Variants in SH3TC2 observed in about 807,000 individuals in gnomAD.
SH3TC2 encodes the protein SH3 domain and tetratricopeptide repeat-containing protein 2.
A neutral mutation model predicts 124.5 loss-of-function variants in SH3TC2; 87 were observed. The observed-to-expected ratio is 0.70, with a 90% CI of 0.59 to 0.84. SH3TC2 has a LOEUF of 0.84. SH3TC2 is among the 40% of genes least tolerant of loss of function. SH3TC2 has a pLI of 0.00. For missense variants in SH3TC2, 1,536 were observed against 1,566.4 expected, an observed-to-expected ratio of 0.98 and a Z score of 0.33; for synonymous variants, 634 against 628.5, an observed-to-expected ratio of 1.01 and a Z score of -0.13.
chr5:149,022,670 A>T (rs1397992266), intron 12 of SH3TC2, among the ~76,000 whole-genome samples: 1 of 152,270 alleles, frequency 6.6e-6, no homozygotes, highest in East Asian at 1.9e-4. Context: ...GAATAAACAA[A>T]TGTAGTATAT....
At position 148,997,050 on chromosome 5, in the gene SH3TC2, G is replaced by A. The variant is rs1285587818; in HGVS notation, c.*7661C>T. Among the ~76,000 whole-genome samples the A allele has an allele frequency of 6.6e-6, 1 of 152,096 alleles. No homozygotes were observed. Among genetic ancestry groups the A allele is most frequent in the Non-Finnish European group, 1.5e-5 (1 of 68,028 alleles). ...AACAAAGCATCTGTACATGAACATG[G>A]GCTCTTCCCAGGCTATTTGTTTTGC... is the stretch of plus-strand genomic sequence containing the variant. On this transcript the variant is annotated 3_prime_UTR_variant, in exon 17 of 17. Transcript: ENST00000515425.
rs1753281019 is a variant in SH3TC2 at position 148,983,327 on chromosome 5, A to C, written c.*21384T>G. On this transcript the variant is annotated 3_prime_UTR_variant, in exon 17 of 17. Transcript: ENST00000515425. ...CTCTGAAGAGGGGCACCTGGGTGTCATGAATACACCTGTGGCCTAAGATAT... is the reference window on the plus strand; with the variant it reads ...CTCTGAAGAGGGGCACCTGGGTGTCCTGAATACACCTGTGGCCTAAGATAT... Among the ~76,000 whole-genome samples the C allele has an allele frequency of 1.3e-5, 2 of 152,226 alleles. No individual in the cohort carries two copies. The highest frequency in any genetic ancestry group is 4.1e-4 in the South Asian group (2 of 4,830).
At chr5:149,047,734 T>C in intron 3 of SH3TC2, 128 bp downstream of exon 3, 1 of 1,199,852 alleles carries the variant, frequency 8.3e-7, no homozygotes, top group South Asian at 1.2e-5. Flanking sequence ...TTTCATTCAT[T>C]CAGTCTACCT....
chr5:149,032,889 G>T (rs1328655634), intron 8 of SH3TC2, among the ~76,000 whole-genome samples: 1 of 152,142 alleles, frequency 6.6e-6, no homozygotes, highest in Non-Finnish European at 1.5e-5. Context: ...CTGATCGCCA[G>T]ATTCCCCCCA....
In SH3TC2 at chr5:149,027,255, A is replaced by C. The variant is rs766809869; in HGVS notation, c.2477T>G (p.Leu826Arg). 3.7e-6 allele frequency: 6 copies of C among 1,614,068 alleles called. No individual in the cohort carries two copies. In the African/African-American group the frequency reaches 8.0e-5, roughly 22 times the overall value. Residue 826 changes from leucine (L) to arginine (R), a missense_variant, in exon 11 of 17, where the codon CTG becomes CGG. By Grantham distance (102) the Leu-to-Arg change is moderately radical. Around this residue, in one of 3 missense-constraint regions of SH3TC2, gnomAD observed 1,102 missense variants for 1,098.6 expected, o/e 1.00. Transcript: ENST00000515425. ...LDVLEPLLCS[L>R]KETESLTQRG... Reference sequence around the variant, plus strand: ...TTGAGTGAGACTCTCTGTCTCCTTCAGGGAGCATAGCAGTGGCTCAAGCAC... The same window carrying C: ...TTGAGTGAGACTCTCTGTCTCCTTCCGGGAGCATAGCAGTGGCTCAAGCAC...
Position 148,993,671 on chromosome 5 carries a change from T to C in SH3TC2, c.*11040A>G, listed in dbSNP as rs1362627628. On this transcript the variant is annotated 3_prime_UTR_variant, in exon 17 of 17. Coordinates refer to ENST00000515425, the MANE Select transcript of SH3TC2 (RefSeq NM_024577.4). ...AAGGGAGGTCACAACTTCCTGTGAC[T>C]GTGCTTGGTAAGTGATGGAGGCAAT... Among the ~76,000 whole-genome samples, 1 of 152,198 alleles carries C rather than the reference T, an allele frequency of 6.6e-6. No individual in the cohort carries two copies. The highest frequency in any genetic ancestry group is 1.5e-5 in the Non-Finnish European group (1 of 68,030).
Position 149,027,764 on chromosome 5 carries a change from G to C in SH3TC2, c.1968C>G (p.Ala656=). 1 of 1,613,966 alleles carries C rather than the reference G, an allele frequency of 6.2e-7. No individual in the cohort carries two copies. The highest frequency in any genetic ancestry group is 8.5e-7 in the Non-Finnish European group (1 of 1,179,966). Residue 656 remains alanine, a synonymous_variant, in exon 11 of 17, where the codon GCC becomes GCG. Transcript: ENST00000515425. ...LGRHEEVLPF[A]ERLQLLSGHP... ...GTCCAGAGAGGAGCTGCAGGCGCTC[G>C]GCAAAGGGCAGGACCTCCTCGTGCC...
In SH3TC2 at chr5:149,001,858, C is replaced by A. The variant is rs771651312; in HGVS notation, c.*2853G>T. On this transcript the variant is annotated 3_prime_UTR_variant, in exon 17 of 17. Coordinates refer to ENST00000515425, the MANE Select transcript of SH3TC2 (RefSeq NM_024577.4). The stretch of plus-strand genomic sequence containing the variant: ...ACATGGATAGAAACAACGCTCTTCA[C>A]GTATGTGTGTGTATGTGTATGCATA... The A allele has an allele frequency of 4.6e-5, 7 of 152,142 alleles. No individual in the cohort carries two copies. Among genetic ancestry groups the A allele is most frequent in the Non-Finnish European group, 1.0e-4 (7 of 68,042 alleles). 9.4% of individuals were successfully genotyped at this position (152,142 alleles called of 1,614,324 possible).
rs753393882 is a variant in SH3TC2 at position 149,004,661 on chromosome 5, T to G, written c.*50A>C. 6.3e-7 allele frequency: 1 copy of G among 1,599,314 alleles called. No homozygotes were observed. Among genetic ancestry groups the G allele is most frequent in the South Asian group, 1.1e-5 (1 of 89,588 alleles). ...ATGAGTATTTAAGAGCCTAGGGCAG[T>G]GGGGTCAGAGTCTGGCCATGCCAAA... On this transcript the variant is annotated 3_prime_UTR_variant, in exon 17 of 17. Transcript: ENST00000515425.
rs138654028 is a variant in SH3TC2, at chr5:149,060,135, A to G, written c.52+2836T>C. Among the ~76,000 whole-genome samples, 578 of 152,370 alleles carry G rather than the reference A, an allele frequency of 3.8e-3. 3 individuals carry two copies. Among genetic ancestry groups the G allele is most frequent in the African/African-American group, 0.013 (547 of 41,582 alleles). ...ACCAGTGATCAACAGAGGCGAATGT[A>G]TCTCTTCCACATCTTCTATTTAAGG... On this transcript the variant is annotated intron_variant, in intron 1 of 16. Coordinates refer to ENST00000515425, the MANE Select transcript of SH3TC2 (RefSeq NM_024577.4).
rs550702552 is a variant in SH3TC2, at chr5:149,049,906, A to G, written c.152-1917T>C. Among the ~76,000 whole-genome samples, 60 of 152,222 alleles carry G rather than the reference A, an allele frequency of 3.9e-4. No homozygotes were observed. In the South Asian group the frequency reaches 9.1e-3, roughly 23 times the overall value. ...TAGCTGTTCCCCTCCTCACCTCCCC[A>G]CTACCAGCAAGTACTGCTCATGGCT... On this transcript the variant is annotated intron_variant, in intron 2 of 16. Coordinates refer to ENST00000515425, the MANE Select transcript of SH3TC2 (RefSeq NM_024577.4).
chr5:148,995,884 A>G lies in SH3TC2; in HGVS notation c.*8827T>C, dbSNP rs1753501756. 6.6e-6 allele frequency among the ~76,000 whole-genome samples: 1 copy of G among 152,180 alleles called. No individual in the cohort carries two copies. The highest frequency in any genetic ancestry group is 2.4e-5 in the African/African-American group (1 of 41,434). On this transcript the variant is annotated 3_prime_UTR_variant, in exon 17 of 17. Coordinates refer to ENST00000515425, the MANE Select transcript of SH3TC2 (RefSeq NM_024577.4). ...TAAACTATGATAAGTGCTTTGAAGG[A>G]AAAGTACAGGGACAAATGAGCACAA... is the stretch of plus-strand genomic sequence containing the variant.
Position 149,028,294 on chromosome 5 carries a change from C to A in SH3TC2, c.1438G>T (p.Ala480Ser). Residue 480 changes from alanine (A) to serine (S), a missense_variant, in exon 11 of 17, where the codon GCT becomes TCT. Physicochemically the swap from Ala to Ser is moderately conservative, Grantham distance 99. Around this residue, in one of 3 missense-constraint regions of SH3TC2, gnomAD observed 1,102 missense variants for 1,098.6 expected, o/e 1.00. Coordinates refer to ENST00000515425, the MANE Select transcript of SH3TC2 (RefSeq NM_024577.4). ...ILAFLDHEGYADHFKSLYDFS... is the reference protein window; with the variant it reads ...ILAFLDHEGYSDHFKSLYDFS... ...TCATAGAGACTCTTAAAGTGGTCAG[C>A]ATAACCCTCATGATCCAGAAAAGCC... The A allele has an allele frequency of 6.2e-7, 1 of 1,613,990 alleles. No homozygotes were observed. Among genetic ancestry groups the A allele is most frequent in the East Asian group, 2.2e-5 (1 of 44,884 alleles).
chr5:149,062,052 C>T (rs1754760610), intron 1 of SH3TC2, among the ~76,000 whole-genome samples: 1 of 152,118 alleles, frequency 6.6e-6, no homozygotes, highest in Non-Finnish European at 1.5e-5. Context: ...AGAAAGTTGT[C>T]TGTCAGAGAG....
intron 12 of SH3TC2, among the ~76,000 whole-genome samples, chr5:149,018,283 C>T (rs1346905436): frequency 1.3e-5 from 2 of 152,254 alleles, no homozygotes; most frequent in African/African-American, 2.4e-5. Context: ...TGCAACCCCC[C>T]GCCCCCATGC....
At chr5:149,062,112 C>T (rs1754761549) in intron 1 of SH3TC2, among the ~76,000 whole-genome samples, 1 of 152,084 alleles carries the variant, frequency 6.6e-6, no homozygotes, top group Non-Finnish European at 1.5e-5. Flanking sequence ...TCTCAGGAAC[C>T]ATGGTGGAGC....
chr5:149,050,957 T>C (rs1025230887), intron 2 of SH3TC2, among the ~76,000 whole-genome samples: 4 of 152,200 alleles, frequency 2.6e-5, no homozygotes, highest in African/African-American at 9.6e-5. Flanking sequence ...CTCGCTGACA[T>C]TCTGTTTCTC....
intron 4 of SH3TC2, chr5:149,043,570 G>A (rs1002537988): frequency 3.3e-5 from 5 of 151,710 alleles, no homozygotes; most frequent in African/African-American, 1.2e-4. Context: ...GAATTTTAAT[G>A]TGCACACAAA....
At chr5:149,030,911 A>G (rs1283070741) in intron 9 of SH3TC2, among the ~76,000 whole-genome samples, 1 of 150,174 alleles carries the variant, frequency 6.7e-6, no homozygotes, top group East Asian at 2.0e-4. Flanking sequence ...TAAGAGTATC[A>G]TTCATTCAGT....
Sources: gnomAD v4.1 joint callset for allele counts (sites outside exome capture counted in the v4.1 genomes callset) on GRCh38, gnomAD v4.1.1 for gene constraint, gnomAD v4.1.1 regional missense constraint, MANE v1.5 for transcripts, NCBI Gene and HGNC (gene_info 2026-07-23, HGNC 2026-07-21) for gene names.